AKAP17A: variants seen among roughly 807,000 people sequenced by gnomAD.
AKAP17A encodes A-kinase anchoring protein 17A.
A neutral mutation model predicts 52.2 loss-of-function variants in AKAP17A; 15 were observed. The observed-to-expected ratio is 0.29, with a 90% CI of 0.19 to 0.44. The LOEUF is 0.44. Ranked by LOEUF, AKAP17A falls within the 20% of genes least tolerant of loss-of-function variation. The pLI is 1.00. For missense variants in AKAP17A, 1,060 were observed against 1,007.0 expected, an observed-to-expected ratio of 1.05 and a Z score of -0.71; for synonymous variants, 514 against 424.7, an observed-to-expected ratio of 1.21 and a Z score of -2.58.
At chrX:1,600,249 C>A in intron 4 of AKAP17A, 1 of 1,270,808 alleles carries the variant, frequency 7.9e-7, no homozygotes. Context: ...CCAGGCTCGC[C>A]CCGCAGCTAC....
Position 1,601,270 on chromosome X carries a change from C to T in AKAP17A, c.1764C>T (p.Gly588=), listed in dbSNP as rs1569356114. ...ACCGGGAGCCCAGCAAGGGCCGGGGCCGGGCCACCGGAGACGGGCTTGCTG... is the reference window on the plus strand; with the variant it reads ...ACCGGGAGCCCAGCAAGGGCCGGGGTCGGGCCACCGGAGACGGGCTTGCTG... ...KCNREPSKGR[G]RATGDGLADR... The change falls in exon 5 of 5, where the codon GGC becomes GGT. Residue 588 remains glycine (G), a synonymous_variant. Transcript: ENST00000313871. The T allele has an allele frequency of 1.2e-6, 2 of 1,612,750 alleles. No homozygotes were observed. Among genetic ancestry groups the T allele is most frequent in the East Asian group, 2.2e-5 (1 of 44,862 alleles).
At chrX:1,600,281 C>A (rs1256177869) in intron 4 of AKAP17A, 5 of 1,061,644 alleles carry the variant, frequency 4.7e-6, no homozygotes, top group Non-Finnish European at 5.2e-6. Flanking sequence ...GCGTCTGCGG[C>A]GTCATCTCAG....
At chrX:1,598,178 G>C (rs1455901785) in intron 3 of AKAP17A, among the ~76,000 whole-genome samples, 1 of 151,996 alleles carries the variant, frequency 6.6e-6, no homozygotes, top group Non-Finnish European at 1.5e-5. Context: ...GCCGCCCTCC[G>C]AGCTCGTGGG....
intron 4 of AKAP17A, chrX:1,600,349 T>TG: frequency 1.5e-6 from 1 of 658,330 alleles, no homozygotes; most frequent in Non-Finnish European, 2.5e-6. Context: ...TGCAACGTGG[T>TG]GGGGCTCCCG....
intron 3 of AKAP17A, among the ~76,000 whole-genome samples, chrX:1,598,410 G>A (rs753893987): frequency 9.9e-5 from 15 of 152,270 alleles, no homozygotes; most frequent in South Asian, 8.3e-4. Flanking sequence ...GTGTCACCCC[G>A]GCGGGCTTTG....
At chrX:1,598,240 G>GGACCTGCATGCCCCGCCCGGA (rs1933124177) in intron 3 of AKAP17A, among the ~76,000 whole-genome samples, 1 of 152,206 alleles carries the variant, frequency 6.6e-6, no homozygotes, top group African/African-American at 2.4e-5. Flanking sequence ...AACTGCCTGA[G>GGACCTGCATGCCCCGCCCGGA]GACCTGCATG....
At chrX:1,596,271 C>T (rs868167181) in intron 3 of AKAP17A, among the ~76,000 whole-genome samples, 13 of 151,926 alleles carry the variant, frequency 8.6e-5, no homozygotes, top group Middle Eastern at 3.4e-3. Flanking sequence ...GACAAAAACC[C>T]GGTTTCACAT....
rs188287160 is a variant in AKAP17A at position 1,599,108 on chromosome X, G to T, written c.912-84G>T. 92 of 1,554,164 alleles carry T rather than the reference G, an allele frequency of 5.9e-5. No homozygotes were observed. In the East Asian group the frequency reaches 2.0e-3, roughly 34 times the overall value. On this transcript the variant is annotated intron_variant, in intron 3 of 4. Transcript: ENST00000313871. ...TAATCGTTGGACCGTGGCCTGTTCC[G>T]CCGTGTTTGGAAAGCCGCTTGTATG... is the stretch of plus-strand genomic sequence containing the variant.
chrX:1,595,417 G>C lies in AKAP17A; in HGVS notation c.796G>C (p.Ala266Pro), dbSNP rs1481179364. 4 of 1,613,902 alleles carry C rather than the reference G, an allele frequency of 2.5e-6. No homozygotes were observed. The highest frequency in any genetic ancestry group is 3.4e-6 in the Non-Finnish European group (4 of 1,179,886). ...TGATTCGACCAAACACCTGAGTGAT[G>C]CCTCAATTAAGAAGCGGCAGCTGGA... ...SFDSTKHLSDASIKKRQLERQ... is the reference protein window; with the variant it reads ...SFDSTKHLSDPSIKKRQLERQ... Residue 266 changes from alanine (A) to proline (P), a missense_variant, in exon 3 of 5, where the codon GCC becomes CCC. Around this residue, in one of 2 missense-constraint regions of AKAP17A, gnomAD observed 793 missense variants for 629.9 expected, o/e 1.26. Transcript: ENST00000313871.
At chrX:1,598,886 G>A (rs1350597450) in intron 3 of AKAP17A, among the ~76,000 whole-genome samples, 10 of 152,300 alleles carry the variant, frequency 6.6e-5, no homozygotes, top group Non-Finnish European at 8.8e-5. Context: ...CTGCCCATCC[G>A]TCTTTCCCCT....
chrX:1,596,798 C>T (rs1294300126), intron 3 of AKAP17A, among the ~76,000 whole-genome samples: 2 of 76,452 alleles, frequency 2.6e-5, no homozygotes, highest in East Asian at 6.7e-4. Flanking sequence ...ATCCCTCCCG[C>T]TGTGCCCTCC....
At chrX:1,599,589 G>C (rs1482189960) in intron 4 of AKAP17A, 157 bp downstream of exon 4, 30 of 1,042,528 alleles carry the variant, frequency 2.9e-5, no homozygotes, top group Non-Finnish European at 4.2e-5. Flanking sequence ...TCCTTCCCGG[G>C]AGGGTGTAGC....
At chrX:1,596,273 G>T (rs1289974027) in intron 3 of AKAP17A, among the ~76,000 whole-genome samples, 4 of 151,442 alleles carry the variant, frequency 2.6e-5, no homozygotes, top group Non-Finnish European at 5.9e-5. Context: ...CAAAAACCCG[G>T]TTTCACATAA....
intron 3 of AKAP17A, among the ~76,000 whole-genome samples, chrX:1,596,491 TCCTCC>T (rs1569350728): frequency 6.1e-5 from 8 of 131,950 alleles, no homozygotes; most frequent in African/African-American, 1.2e-4. Flanking sequence ...CTCCTCCTCC[TCCTCC>T]ATCCCTCCCA....
In AKAP17A at chrX:1,595,462, C is replaced by T; in HGVS notation, c.841C>T (p.Leu281=). The T allele has an allele frequency of 1.9e-6, 3 of 1,614,008 alleles. No individual in the cohort carries two copies. The highest frequency in any genetic ancestry group is 1.3e-5 in the African/African-American group (1 of 75,052). Residue 281 remains leucine, a synonymous_variant, in exon 3 of 5, where the codon CTG becomes TTG. Transcript: ENST00000313871. The part of the protein sequence containing the change: ...RQLERQKLQE[L]EQQREEQKRR... Reference sequence around the variant, plus strand: ...GCTGGAGAGGCAGAAGCTTCAGGAACTGGAGCAGCAAAGAGAAGAACAAAA... The same window carrying T: ...GCTGGAGAGGCAGAAGCTTCAGGAATTGGAGCAGCAAAGAGAAGAACAAAA...
chrX:1,598,329 G>C lies in AKAP17A; in HGVS notation c.912-863G>C, dbSNP rs765983859. Among the ~76,000 whole-genome samples, 6 of 152,298 alleles carry C rather than the reference G, an allele frequency of 3.9e-5. No individual in the cohort carries two copies. The East Asian group carries it at 9.7e-4, about 25-fold the overall frequency. On this transcript the variant is annotated intron_variant, in intron 3 of 4. Transcript: ENST00000313871. ...CCCCTTCTTGGGGTGGCAGAGCGTG[G>C]GATGCCTTTTCTCCCGGCCTGCTCC...
At position 1,599,058 on chromosome X, in the gene AKAP17A, A is replaced by G. The variant is rs1334850412; in HGVS notation, c.912-134A>G. 5.7e-6 allele frequency: 8 copies of G among 1,404,384 alleles called. 1 individual carries two copies. The South Asian group carries it at 1.0e-4, about 18-fold the overall frequency. 87.0% of individuals were successfully genotyped at this position (1,404,384 alleles called of 1,614,324 possible). A position where few individuals can be genotyped will look rare whatever the true frequency, so the allele number is the denominator to read the frequency against. On this transcript the variant is annotated intron_variant, in intron 3 of 4. Transcript: ENST00000313871. Reference sequence around the variant, plus strand: ...GGCTGCTTTGAGTCAACCGAGGTCCACCTTGGGATAAAGAGTTAAATGCTT... The same window carrying G: ...GGCTGCTTTGAGTCAACCGAGGTCCGCCTTGGGATAAAGAGTTAAATGCTT...
Position 1,598,291 on chromosome X carries a change from C to T in AKAP17A, c.912-901C>T, listed in dbSNP as rs1433207466. Among the ~76,000 whole-genome samples the T allele has an allele frequency of 2.0e-5, 3 of 152,162 alleles. 1 individual carries two copies. Among genetic ancestry groups the T allele is most frequent in the South Asian group, 4.1e-4 (2 of 4,832 alleles). On this transcript the variant is annotated intron_variant, in intron 3 of 4. Transcript: ENST00000313871. ...GTGTGGATCACTGTCTGGGCGTCGG[C>T]ACCTGGCCCGGCCCCCTTCTTGGGG...
intron 1 of AKAP17A, among the ~76,000 whole-genome samples, chrX:1,592,109 G>C (rs1175168401): frequency 6.6e-6 from 1 of 151,856 alleles, no homozygotes; most frequent in African/African-American, 2.4e-5. Context: ...GAGACTAGGA[G>C]GCCTGGGACT....
Sources: allele counts gnomAD v4.1 joint callset (sites outside exome capture counted in the v4.1 genomes callset), GRCh38; gene constraint gnomAD v4.1.1; regional missense constraint gnomAD v4.1.1; transcripts MANE v1.5; gene names NCBI Gene and HGNC (gene_info 2026-07-23, HGNC 2026-07-21).